The following CAMK2B variants were observed in gnomAD, a reference collection of about 807,000 sequenced individuals.
CAMK2B encodes calcium/calmodulin-dependent protein kinase type II subunit beta.
CAMK2B carries 27 observed loss-of-function variants against 93.7 expected under a neutral mutation model. That is an observed-to-expected ratio of 0.29 (90% CI 0.21 to 0.40). The LOEUF (loss-of-function observed/expected upper bound fraction) is 0.40. Among genes scored for constraint, CAMK2B ranks in the 10% least tolerant of loss-of-function variants. The pLI is 1.00. For synonymous variants in CAMK2B, 374 were observed against 358.8 expected (o/e 1.04, Z -0.48); for missense variants, 568 against 895.8 (o/e 0.63, Z 4.67).
chr7:44,228,098 A>C (rs1019705837), intron 19 of CAMK2B, among the ~76,000 whole-genome samples: 5 of 151,742 alleles, frequency 3.3e-5, no homozygotes, highest in African/African-American at 1.2e-4. Flanking sequence ...CCCTCCAGGG[A>C]GAGGCTGCTG....
chr7:44,242,392 G>C, intron 9 of CAMK2B, 52 bp from the exon 10 acceptor site: 2 of 1,592,296 alleles, frequency 1.3e-6, no homozygotes, highest in South Asian at 2.3e-5. Context: ...TCTCAGGCAG[G>C]GGCAAGAATT....
chr7:44,249,219 T>G lies in CAMK2B; in HGVS notation c.342-2027A>C, dbSNP rs898419498. Among the ~76,000 whole-genome samples the G allele has an allele frequency of 2.6e-5, 4 of 152,210 alleles. No homozygotes were observed. In the East Asian group the frequency reaches 7.7e-4, roughly 29 times the overall value. On this transcript the variant is annotated intron_variant, in intron 5 of 23. Transcript: ENST00000395749. ...ATCTGTTCCTTTGAATGGCCAACTG[T>G]GTCCTGCCAAGGCCTGTGAGCCTAA...
At chr7:44,307,898 T>G (rs1365051618) in intron 1 of CAMK2B, among the ~76,000 whole-genome samples, 1 of 152,138 alleles carries the variant, frequency 6.6e-6, no homozygotes, top group African/African-American at 2.4e-5. Flanking sequence ...GGGGGCCTCA[T>G]TCTGTCACCC....
intron 20 of CAMK2B, among the ~76,000 whole-genome samples, chr7:44,222,457 A>G (rs1387580068): frequency 6.7e-6 from 1 of 150,132 alleles, no homozygotes; most frequent in African/African-American, 2.5e-5. Flanking sequence ...TTTTTTTTAG[A>G]TGGAGTCTCA....
chr7:44,264,844 T>C (rs1180889743), intron 2 of CAMK2B, among the ~76,000 whole-genome samples: 2 of 152,212 alleles, frequency 1.3e-5, no homozygotes, highest in South Asian at 2.1e-4. Context: ...ATAGTCACAA[T>C]AGAATACACA....
At chr7:44,307,414 G>A (rs988232618) in intron 1 of CAMK2B, among the ~76,000 whole-genome samples, 3 of 148,692 alleles carry the variant, frequency 2.0e-5, no homozygotes, top group African/African-American at 7.5e-5. Flanking sequence ...GCAGAAGGAG[G>A]AGGGTGTGAT....
At chr7:44,284,291 G>T in intron 1 of CAMK2B, 66 bp from the exon 2 acceptor site, 1 of 1,153,984 alleles carries the variant, frequency 8.7e-7, no homozygotes, top group Non-Finnish European at 1.3e-6. Flanking sequence ...AGAGAGAGCC[G>T]ATTAATCTCC....
At chr7:44,275,209 A>C (rs2097021757) in intron 2 of CAMK2B, among the ~76,000 whole-genome samples, 1 of 151,238 alleles carries the variant, frequency 6.6e-6, no homozygotes, top group African/African-American at 2.4e-5. Context: ...CTGCTCCTGC[A>C]TCCAGTTCAG....
Position 44,242,751 on chromosome 7 carries a change from T to C in CAMK2B, c.602-97A>G, listed in dbSNP as rs2096692991. 3 of 847,628 alleles carry C rather than the reference T, an allele frequency of 3.5e-6. No individual in the cohort carries two copies. The Admixed American group carries it at 6.3e-5, about 18-fold the overall frequency. 52.5% of individuals were successfully genotyped at this position (847,628 alleles called of 1,614,324 possible). On this transcript the variant is annotated intron_variant, in intron 8 of 23. Coordinates refer to ENST00000395749, the MANE Select transcript of CAMK2B (RefSeq NM_001220.5). ...CCTCACTGCCTAGCTCCTGTGGCCC[T>C]GGGAGGGCATTGGGGTCCTCAGCAT... is the stretch of plus-strand genomic sequence containing the variant.
rs917266564 is a variant in CAMK2B, at chr7:44,217,207, T to C, written c.*2318A>G. On this transcript the variant is annotated 3_prime_UTR_variant, in exon 24 of 24. Transcript: ENST00000395749. ...TTCCCGAGACAGAACAAAATAAGAA[T>C]AATTTTTGTACACTTACAAGGCTCA... The C allele has an allele frequency of 2.0e-5, 3 of 152,622 alleles. No homozygotes were observed. Among genetic ancestry groups the C allele is most frequent in the Non-Finnish European group, 4.4e-5 (3 of 68,040 alleles). The allele number at this position is 152,622 out of a possible 1,614,324, so 9.5% of individuals were successfully genotyped here.
chr7:44,220,698 G>C lies in CAMK2B; in HGVS notation c.1686C>G (p.Asp562Glu). 6.2e-7 allele frequency: 1 copy of C among 1,612,116 alleles called. No individual in the cohort carries two copies. The highest frequency in any genetic ancestry group is 8.5e-7 in the Non-Finnish European group (1 of 1,179,262). ...CAGGCTCAAACGAGGTCAGCCCTGG[G>C]TCACAGATTTTCCTGGGGGCCAAAT... ...GDFEAYAKIC[D>E]PGLTSFEPEA... Residue 562 changes from aspartate (D) to glutamate (E), a missense_variant, in exon 22 of 24, where the codon GAC becomes GAG. By Grantham distance (45) the Asp-to-Glu change is conservative. This residue lies in a region of CAMK2B where 116 missense variants were observed against 188.0 expected (regional missense o/e 0.62). Coordinates refer to ENST00000395749, the MANE Select transcript of CAMK2B (RefSeq NM_001220.5).
In CAMK2B at chr7:44,226,496, C is replaced by T. The variant is rs775537371; in HGVS notation, c.1597+20G>A. 7 of 1,394,464 alleles carry T rather than the reference C, an allele frequency of 5.0e-6. No individual in the cohort carries two copies. The highest frequency in any genetic ancestry group is 1.5e-5 in the African/African-American group (1 of 66,874). 86.4% of individuals were successfully genotyped at this position (1,394,464 alleles called of 1,614,324 possible). ...CCCCTCCGGGCAGCCGCTGCCACGGCCACTCAAGGTGCTACTTACATGGGG... is the reference window on the plus strand; with the variant it reads ...CCCCTCCGGGCAGCCGCTGCCACGGTCACTCAAGGTGCTACTTACATGGGG... On this transcript the variant is annotated intron_variant, in intron 20 of 23. Transcript: ENST00000395749.
chr7:44,222,045 C>T (rs1348553558), intron 20 of CAMK2B, among the ~76,000 whole-genome samples: 2 of 152,158 alleles, frequency 1.3e-5, no homozygotes, highest in South Asian at 2.1e-4. Flanking sequence ...GCCGTATCTG[C>T]GAGGATATAT....
intron 18 of CAMK2B, 93 bp from the exon 19 acceptor site, chr7:44,229,017 C>T: frequency 8.2e-7 from 1 of 1,221,604 alleles, no homozygotes; most frequent in South Asian, 1.2e-5. Flanking sequence ...GTCCCGTGTT[C>T]TAGACCCCTT....
At chr7:44,322,199 T>C (rs1017170924) in intron 1 of CAMK2B, among the ~76,000 whole-genome samples, 2 of 152,164 alleles carry the variant, frequency 1.3e-5, no homozygotes, top group Non-Finnish European at 2.9e-5. Context: ...AACAAGACTG[T>C]TGAGTGAAAA....
chr7:44,264,263 A>G (rs957812806), intron 2 of CAMK2B, among the ~76,000 whole-genome samples: 8 of 152,214 alleles, frequency 5.3e-5, no homozygotes, highest in African/African-American at 1.7e-4. Flanking sequence ...AAAACCTCTG[A>G]TCCCCGTGCT....
intron 3 of CAMK2B, among the ~76,000 whole-genome samples, chr7:44,261,867 G>T (rs2096881670): frequency 6.6e-6 from 1 of 152,342 alleles, no homozygotes; most frequent in East Asian, 1.9e-4. Context: ...AGAGGAACCA[G>T]GGTGAAGAGT....
rs1454093086 is a variant in CAMK2B, at chr7:44,312,526, C to T, written c.65+12831G>A. Among the ~76,000 whole-genome samples the T allele has an allele frequency of 6.6e-6, 1 of 152,154 alleles. No homozygotes were observed. Among genetic ancestry groups the T allele is most frequent in the Non-Finnish European group, 1.5e-5 (1 of 68,026 alleles). On this transcript the variant is annotated intron_variant, in intron 1 of 23. Transcript: ENST00000395749. The surrounding 1 kb of genome is among the most constrained non-coding windows in gnomAD (Gnocchi z 4.1). ...ATGAGGCTGGAGAAAGAAACAGCCCCAGGTCCTTCCCGGGAGGGGCTGCCC... is the reference window on the plus strand; with the variant it reads ...ATGAGGCTGGAGAAAGAAACAGCCCTAGGTCCTTCCCGGGAGGGGCTGCCC...
At chr7:44,222,539 G>A (rs1214694487) in intron 20 of CAMK2B, among the ~76,000 whole-genome samples, 3 of 151,934 alleles carry the variant, frequency 2.0e-5, no homozygotes, top group East Asian at 1.9e-4. Flanking sequence ...AGGTTCAAGC[G>A]ATTCTCCTGC....
Sources: gnomAD v4.1 joint callset for allele counts (sites outside exome capture counted in the v4.1 genomes callset) on GRCh38, gnomAD v4.1.1 for gene constraint, gnomAD v4.1.1 regional missense constraint, Gnocchi (gnomAD v3.1) non-coding constraint, MANE v1.5 for transcripts, NCBI Gene and HGNC (gene_info 2026-07-23, HGNC 2026-07-21) for gene names.